ABTB3: variants seen among roughly 807,000 people sequenced by gnomAD.
The protein encoded by ABTB3 is ankyrin repeat and BTB domain containing 3.
the ABTB3 span, among the ~76,000 whole-genome samples, chr12:107,527,865 A>G: frequency 6.6e-6 from 1 of 152,104 alleles, no homozygotes; most frequent in South Asian, 2.1e-4. Flanking sequence ...GGACGAGTTA[A>G]GCAGCAGTTT....
At chr12:107,396,161 C>T in the ABTB3 span, among the ~76,000 whole-genome samples, 1 of 152,240 alleles carries the variant, frequency 6.6e-6, no homozygotes, top group Admixed American at 6.5e-5. Context: ...GAACCCAGCC[C>T]AGCCTTCCTC....
At chr12:107,644,126 A>G in the ABTB3 span, among the ~76,000 whole-genome samples, 3 of 152,326 alleles carry the variant, frequency 2.0e-5, no homozygotes, top group African/African-American at 4.8e-5. Flanking sequence ...TGATGCGTCC[A>G]AAGTCTTAGT....
chr12:107,367,197 G>A, the ABTB3 span, among the ~76,000 whole-genome samples: 2 of 152,138 alleles, frequency 1.3e-5, no homozygotes, highest in South Asian at 4.1e-4. Context: ...GCTGTGAATG[G>A]GTATGAGCCT....
chr12:107,508,716 G>A, the ABTB3 span, among the ~76,000 whole-genome samples: 1 of 151,918 alleles, frequency 6.6e-6, no homozygotes, highest in Non-Finnish European at 1.5e-5. Context: ...CCAAAGTGCT[G>A]GGATTACAGG....
At chr12:107,493,054 C>T in the ABTB3 span, among the ~76,000 whole-genome samples, 1 of 150,810 alleles carries the variant, frequency 6.6e-6, no homozygotes, top group Non-Finnish European at 1.5e-5. Flanking sequence ...CAGAACGAAG[C>T]TTCCCCAGGG....
the ABTB3 span, among the ~76,000 whole-genome samples, chr12:107,530,782 T>C: frequency 6.6e-6 from 1 of 152,218 alleles, no homozygotes; most frequent in Non-Finnish European, 1.5e-5. Context: ...TTGGATCCCA[T>C]ATGTAAGGTT....
chr12:107,327,380 A>C, the ABTB3 span, among the ~76,000 whole-genome samples: 2 of 152,090 alleles, frequency 1.3e-5, no homozygotes, highest in East Asian at 3.8e-4. Context: ...ATTTCACTTA[A>C]ATGTCTTCTT....
At chr12:107,484,634 G>T in the ABTB3 span, among the ~76,000 whole-genome samples, 175 of 150,076 alleles carry the variant, frequency 1.2e-3, no homozygotes, top group African/African-American at 4.2e-3. Context: ...TCTGGTTGTT[G>T]CATTGAGAAT....
the ABTB3 span, among the ~76,000 whole-genome samples, chr12:107,513,060 G>C: frequency 6.6e-6 from 1 of 152,154 alleles, no homozygotes; most frequent in Non-Finnish European, 1.5e-5. Flanking sequence ...ATAAATGTTG[G>C]ATTTCCTACC....
the ABTB3 span, among the ~76,000 whole-genome samples, chr12:107,508,434 A>ATTTTTTTTTTTTTTTTT: frequency 7.3e-4 from 43 of 58,718 alleles, 1 homozygote; most frequent in Non-Finnish European, 1.3e-3. Context: ...CTCAAAGATC[A>ATTTTTTTTTTTTTTTTT]TTTCTTTTTT....
chr12:107,487,807 G>GA, the ABTB3 span, among the ~76,000 whole-genome samples: 2 of 152,034 alleles, frequency 1.3e-5, no homozygotes, highest in Non-Finnish European at 2.9e-5. Context: ...AAGGACACTG[G>GA]AAAAAAAGTT....
chr12:107,618,840 G>A, the ABTB3 span, among the ~76,000 whole-genome samples: 1 of 152,216 alleles, frequency 6.6e-6, no homozygotes, highest in Non-Finnish European at 1.5e-5. Flanking sequence ...ACTCCACGAA[G>A]CAGTGCTGGG....
chr12:107,320,012 G>T, the ABTB3 span: 2 of 1,569,732 alleles, frequency 1.3e-6, no homozygotes, highest in South Asian at 1.2e-5. Context: ...GGTCAACAAC[G>T]ACTCGGAGAT....
the ABTB3 span, among the ~76,000 whole-genome samples, chr12:107,535,802 A>G: frequency 6.6e-6 from 1 of 152,212 alleles, no homozygotes; most frequent in African/African-American, 2.4e-5. Flanking sequence ...GGATTGGAAT[A>G]ATTAATATTG....
chr12:107,467,115 A>G, the ABTB3 span, among the ~76,000 whole-genome samples: 1 of 152,180 alleles, frequency 6.6e-6, no homozygotes, highest in African/African-American at 2.4e-5. Context: ...TGAAACCTCA[A>G]TAAACGGGAG....
chr12:107,507,859 T>C, the ABTB3 span, among the ~76,000 whole-genome samples: 1 of 152,246 alleles, frequency 6.6e-6, no homozygotes, highest in African/African-American at 2.4e-5. Context: ...AAGGCTTTCC[T>C]GACATGCCAC....
At chr12:107,567,368 T>G in the ABTB3 span, among the ~76,000 whole-genome samples, 1 of 152,332 alleles carries the variant, frequency 6.6e-6, no homozygotes, top group East Asian at 1.9e-4. Flanking sequence ...GGGACAATGT[T>G]TCAGTCAACA....
the ABTB3 span, among the ~76,000 whole-genome samples, chr12:107,580,367 C>A: frequency 1.3e-5 from 2 of 152,368 alleles, no homozygotes; most frequent in Middle Eastern, 3.4e-3. Flanking sequence ...AAATGCGTTG[C>A]ACTTAGAAAG....
chr12:107,375,315 G>A, the ABTB3 span, among the ~76,000 whole-genome samples: 1 of 152,150 alleles, frequency 6.6e-6, no homozygotes, highest in Admixed American at 6.5e-5. Context: ...CTACCCAGGA[G>A]GTTGAGGTGG....
Sources: gnomAD v4.1 joint callset for allele counts (sites outside exome capture counted in the v4.1 genomes callset) on GRCh38, gnomAD v4.1.1 for gene constraint, MANE v1.5 for transcripts, NCBI Gene and HGNC (gene_info 2026-07-23, HGNC 2026-07-21) for gene names.